MAPKAPK5: variants seen among roughly 807,000 people sequenced by gnomAD.
MAPKAPK5 encodes the protein MAP kinase-activated protein kinase 5.
A neutral mutation model predicts 65.1 loss-of-function variants in MAPKAPK5; 30 were observed. The observed-to-expected ratio is 0.46, with a 90% CI of 0.34 to 0.63. The LOEUF is 0.63. Ranked by LOEUF, MAPKAPK5 falls within the 20% of genes least tolerant of loss-of-function variation. MAPKAPK5 has a pLI of 0.01. For synonymous variants in MAPKAPK5, 179 were observed against 204.6 expected, an observed-to-expected ratio of 0.87 and a Z score of 1.07; for missense variants, 433 against 581.4, an observed-to-expected ratio of 0.74 and a Z score of 2.63.
chr12:111,859,641 T>G (rs1003426890), intron 1 of MAPKAPK5, among the ~76,000 whole-genome samples: 24 of 143,928 alleles, frequency 1.7e-4, no homozygotes, highest in East Asian at 4.2e-4. Context: ...TCTTTTCTTT[T>G]CTTTGCTTTT....
chr12:111,894,842 T>C lies in MAPKAPK5; in HGVS notation c.*1781T>C, dbSNP rs1415348218. On this transcript the variant is annotated 3_prime_UTR_variant, in exon 14 of 14. Coordinates refer to ENST00000550735, the MANE Select transcript of MAPKAPK5 (RefSeq NM_003668.4). ...GTTGGTACATAGAAAAGCTGGCAGGTAGACTCCAGCTCGCAGAGCAGAGGG... is the reference window on the plus strand; with the variant it reads ...GTTGGTACATAGAAAAGCTGGCAGGCAGACTCCAGCTCGCAGAGCAGAGGG... 6.6e-6 allele frequency: 1 copy of C among 151,508 alleles called. No individual in the cohort carries two copies. Among genetic ancestry groups the C allele is most frequent in the East Asian group, 1.9e-4 (1 of 5,138 alleles). The allele number at this position is 151,508 out of a possible 1,614,324, so 9.4% of individuals were successfully genotyped here.
Position 111,893,082 on chromosome 12 carries a change from T to G in MAPKAPK5, c.*21T>G. 2.0e-6 allele frequency: 3 copies of G among 1,491,096 alleles called. No individual in the cohort carries two copies. Among genetic ancestry groups the G allele is most frequent in the Non-Finnish European group, 2.7e-6 (3 of 1,110,228 alleles). 92.4% of individuals were successfully genotyped at this position (1,491,096 alleles called of 1,614,324 possible). On this transcript the variant is annotated 3_prime_UTR_variant, in exon 14 of 14. Transcript: ENST00000550735. ...AATAATGACAGCTTCAGACTTTGTT[T>G]TTTTAACAATTTGAAAAATTATTCT...
Position 111,859,298 on chromosome 12 carries a change from G to A in MAPKAPK5, c.37-5952G>A, listed in dbSNP as rs2069347862. On this transcript the variant is annotated intron_variant, in intron 1 of 13. Coordinates refer to ENST00000550735, the MANE Select transcript of MAPKAPK5 (RefSeq NM_003668.4). ...GTTTTAAATTATTATTAGTTTTTTCGAGACGGAGTCTCACTCTGTCACCAG... is the reference window on the plus strand; with the variant it reads ...GTTTTAAATTATTATTAGTTTTTTCAAGACGGAGTCTCACTCTGTCACCAG... Among the ~76,000 whole-genome samples, 2 of 148,214 alleles carry A rather than the reference G, an allele frequency of 1.3e-5. 1 individual carries two copies. Among genetic ancestry groups the A allele is most frequent in the South Asian group, 4.4e-4 (2 of 4,516 alleles).
intron 7 of MAPKAPK5, among the ~76,000 whole-genome samples, chr12:111,874,470 GTTTT>G (rs79738806): frequency 7.5e-5 from 10 of 133,398 alleles, no homozygotes; most frequent in East Asian, 2.1e-4. Context: ...TTTGTTTTGG[GTTTT>G]TTTTTTTTTT....
At chr12:111,892,519 TTACCCTTAAATG>T (rs2070648864) in intron 13 of MAPKAPK5, among the ~76,000 whole-genome samples, 1 of 152,204 alleles carries the variant, frequency 6.6e-6, no homozygotes, top group African/African-American at 2.4e-5. Context: ...TTAGTTTGCA[TTACCCTTAAATG>T]TACCCTTAAA....
chr12:111,894,764 A>ATGTGTGTGTGTG lies in MAPKAPK5; in HGVS notation c.*1704_*1705insGTGTGTGTGTGT, dbSNP rs1555276305. 4.6e-5 allele frequency: 5 copies of ATGTGTGTGTGTG among 109,530 alleles called. No homozygotes were observed. The highest frequency in any genetic ancestry group is 2.5e-4 in the African/African-American group (5 of 20,332). 6.8% of individuals were successfully genotyped at this position (109,530 alleles called of 1,614,324 possible). ...TTCCATAACAAACCAATTTTCGTGT[A>ATGTGTGTGTGTG]TATGTGTGTGTGTGTGTGTGTGTGT... On this transcript the variant is annotated 3_prime_UTR_variant, in exon 14 of 14. Coordinates refer to ENST00000550735, the MANE Select transcript of MAPKAPK5 (RefSeq NM_003668.4).
chr12:111,866,132 T>C (rs1428901342), intron 2 of MAPKAPK5, 24 bp from the exon 3 acceptor site: 5 of 1,549,356 alleles, frequency 3.2e-6, no homozygotes, highest in Non-Finnish European at 4.4e-6. Context: ...TGATCTCTGA[T>C]TGATTTTTTT....
intron 1 of MAPKAPK5, 109 bp downstream of exon 1, chr12:111,842,878 G>C: frequency 3.6e-6 from 4 of 1,097,946 alleles, no homozygotes; most frequent in Non-Finnish European, 4.7e-6. Flanking sequence ...TCGACTACCG[G>C]GTTTCGGCCT....
chr12:111,843,222 C>T, intron 1 of MAPKAPK5: 2 of 398,614 alleles, frequency 5.0e-6, no homozygotes, highest in Non-Finnish European at 8.8e-6. Flanking sequence ...GGTGGTTCGC[C>T]GTACAAAACC....
intron 1 of MAPKAPK5, among the ~76,000 whole-genome samples, chr12:111,864,742 C>T (rs2069548720): frequency 6.6e-6 from 1 of 152,138 alleles, no homozygotes; most frequent in East Asian, 1.9e-4. Context: ...TAGATGTTTA[C>T]TATGATATTG....
chr12:111,854,518 C>T (rs572766562), intron 1 of MAPKAPK5, among the ~76,000 whole-genome samples: 127 of 152,284 alleles, frequency 8.3e-4, no homozygotes, highest in Non-Finnish European at 1.5e-3. Context: ...GGATTACAGG[C>T]ATGAGCCACC....
At chr12:111,878,401 T>C (rs996970744) in intron 7 of MAPKAPK5, among the ~76,000 whole-genome samples, 6 of 150,254 alleles carry the variant, frequency 4.0e-5, no homozygotes, top group Non-Finnish European at 8.8e-5. Context: ...TGTTGTTCTA[T>C]TTATTTATTA....
intron 1 of MAPKAPK5, among the ~76,000 whole-genome samples, chr12:111,864,086 T>C (rs1400189367): frequency 6.6e-6 from 1 of 151,874 alleles, no homozygotes; most frequent in African/African-American, 2.4e-5. Flanking sequence ...CTGGGCAACA[T>C]AGCAAGACCC....
At chr12:111,889,124 G>A (rs1286586314) in intron 12 of MAPKAPK5, 124 bp downstream of exon 12, 5 of 1,112,642 alleles carry the variant, frequency 4.5e-6, no homozygotes, top group Non-Finnish European at 5.1e-6. Flanking sequence ...GTTTCATCTT[G>A]TGTTATAAGA....
At chr12:111,865,357 G>A in intron 2 of MAPKAPK5, 34 bp downstream of exon 2, 1 of 1,463,372 alleles carries the variant, frequency 6.8e-7, no homozygotes, top group Non-Finnish European at 9.4e-7. Context: ...ATGGCAAATT[G>A]TTGGCATGTG....
intron 7 of MAPKAPK5, among the ~76,000 whole-genome samples, chr12:111,872,855 C>A (rs1488969866): frequency 6.6e-6 from 1 of 152,152 alleles, no homozygotes; most frequent in African/African-American, 2.4e-5. Context: ...ACCTAGATAA[C>A]TCCCCATTTT....
At chr12:111,859,832 A>G (rs1416489628) in intron 1 of MAPKAPK5, among the ~76,000 whole-genome samples, 1 of 151,776 alleles carries the variant, frequency 6.6e-6, no homozygotes, top group Non-Finnish European at 1.5e-5. Context: ...TAATTTTAGT[A>G]GAGACGGGGT....
rs1039561445 is a variant in MAPKAPK5 at position 111,896,398 on chromosome 12, A to T, written c.*3337A>T. 2.6e-5 allele frequency: 4 copies of T among 152,120 alleles called. No homozygotes were observed. Among genetic ancestry groups the T allele is most frequent in the African/African-American group, 9.7e-5 (4 of 41,420 alleles). 9.4% of individuals were successfully genotyped at this position (152,120 alleles called of 1,614,324 possible). ...TCTGGAGGATGCCCCAGCTGTTGTA[A>T]TGCAACAGCATACCTTGAAAAAAAA... On this transcript the variant is annotated 3_prime_UTR_variant, in exon 14 of 14. Coordinates refer to ENST00000550735, the MANE Select transcript of MAPKAPK5 (RefSeq NM_003668.4).
intron 13 of MAPKAPK5, among the ~76,000 whole-genome samples, chr12:111,891,956 C>T (rs1046980006): frequency 6.6e-6 from 1 of 152,140 alleles, no homozygotes; most frequent in Admixed American, 6.5e-5. Context: ...CATCCTCTTC[C>T]AGTCACTCCC....
Sources: allele counts gnomAD v4.1 joint callset (sites outside exome capture counted in the v4.1 genomes callset), GRCh38; gene constraint gnomAD v4.1.1; transcripts MANE v1.5; gene names NCBI Gene and HGNC (gene_info 2026-07-23, HGNC 2026-07-21).